The following PRDM16 variants were observed in gnomAD, a reference collection of about 807,000 sequenced individuals.
The protein encoded by PRDM16 is PR/SET domain 16, also known as histone-lysine N-methyltransferase PRDM16.
A neutral mutation model predicts 110.6 loss-of-function variants in PRDM16; 23 were observed. That is an observed-to-expected ratio of 0.21 (90% CI 0.15 to 0.29). The LOEUF (loss-of-function observed/expected upper bound fraction) is 0.29, where lower values mean the gene tolerates loss of function less well. Among genes scored for constraint, PRDM16 ranks in the 10% least tolerant of loss-of-function variants. PRDM16 has a pLI of 1.00. For synonymous variants in PRDM16, 799 were observed against 781.8 expected (o/e 1.02, Z -0.37); for missense variants, 1,615 against 1,794.3 (o/e 0.90, Z 1.81).
intron 4 of PRDM16, among the ~76,000 whole-genome samples, chr1:3,386,247 G>A (rs78462034): frequency 1.1e-4 from 10 of 89,022 alleles, no homozygotes; most frequent in African/African-American, 1.7e-4. Flanking sequence ...TGAAAAAAAA[G>A]AAAAGGATCC....
rs1642009292 is a variant in PRDM16 at position 3,080,909 on chromosome 1, G to A, written c.37+11613G>A. 2.0e-5 allele frequency among the ~76,000 whole-genome samples: 3 copies of A among 152,220 alleles called. No individual in the cohort carries two copies. The highest frequency in any genetic ancestry group is 2.1e-4 in the South Asian group (1 of 4,816). On this transcript the variant is annotated intron_variant, in intron 1 of 16. Transcript: ENST00000270722. This position sits in a 1 kb window ranked among gnomAD's most constrained non-coding sequence, Gnocchi z 5.2. ...CCGGCCCGAGCACCCAACGCTTCCC[G>A]GAGAGCTTGTGTGCCTGAGAGTGTG...
intron 3 of PRDM16, among the ~76,000 whole-genome samples, chr1:3,256,856 CAA>C (rs1316477957): frequency 6.6e-6 from 1 of 151,702 alleles, no homozygotes; most frequent in African/African-American, 2.4e-5. Flanking sequence ...GACTCCATCT[CAA>C]AATAAATAAA....
At chr1:3,368,959 T>C (rs1246319448) in intron 3 of PRDM16, among the ~76,000 whole-genome samples, 2 of 152,152 alleles carry the variant, frequency 1.3e-5, no homozygotes, top group Non-Finnish European at 2.9e-5. Flanking sequence ...GGCCGTGGGG[T>C]TGGCGGATGC....
intron 1 of PRDM16, among the ~76,000 whole-genome samples, chr1:3,107,322 G>A (rs1478041745): frequency 6.6e-6 from 1 of 152,198 alleles, no homozygotes; most frequent in Non-Finnish European, 1.5e-5. Context: ...AAAGAGCTGG[G>A]AGCAGGTGGT....
At chr1:3,424,514 G>A (rs1226155296) in intron 12 of PRDM16, among the ~76,000 whole-genome samples, 2 of 152,238 alleles carry the variant, frequency 1.3e-5, no homozygotes, top group Non-Finnish European at 2.9e-5. Context: ...ATGGAGGAAG[G>A]GGGTCTCATC....
At position 3,358,681 on chromosome 1, in the gene PRDM16, G is replaced by A. The variant is rs374033117; in HGVS notation, c.439-26471G>A. 9.8e-5 allele frequency among the ~76,000 whole-genome samples: 15 copies of A among 152,286 alleles called. No homozygotes were observed. The South Asian group carries it at 1.5e-3, about 15-fold the overall frequency. On this transcript the variant is annotated intron_variant, in intron 3 of 16. Coordinates refer to ENST00000270722, the MANE Select transcript of PRDM16 (RefSeq NM_022114.4). This position sits in a 1 kb window ranked among gnomAD's most constrained non-coding sequence, Gnocchi z 4.0. ...ACCATCCTTCCCAGAGCAGCAGGCC[G>A]GCTGGGGCTCCCGTGAACAAATATC...
intron 1 of PRDM16, among the ~76,000 whole-genome samples, chr1:3,118,683 C>CG (rs913818505): frequency 2.9e-4 from 44 of 152,180 alleles, no homozygotes; most frequent in Non-Finnish European, 5.6e-4. Flanking sequence ...GACTGGCAGT[C>CG]GGGGGGTGTC....
intron 1 of PRDM16, among the ~76,000 whole-genome samples, chr1:3,110,856 G>A (rs1642775150): frequency 6.6e-6 from 1 of 152,120 alleles, no homozygotes; most frequent in South Asian, 2.1e-4. Flanking sequence ...CCGGGATGAG[G>A]TGCAGCTCTT....
At chr1:3,381,961 C>A (rs1643109511) in intron 3 of PRDM16, among the ~76,000 whole-genome samples, 1 of 152,232 alleles carries the variant, frequency 6.6e-6, no homozygotes, top group African/African-American at 2.4e-5. Flanking sequence ...CCAGACCCGG[C>A]CAGTGGTGAG....
At chr1:3,332,735 G>A (rs1283635026) in intron 3 of PRDM16, among the ~76,000 whole-genome samples, 1 of 131,176 alleles carries the variant, frequency 7.6e-6, no homozygotes, top group Non-Finnish European at 1.6e-5. Context: ...ACTCCCCACC[G>A]CCCGTCCCCC....
At chr1:3,319,831 C>T (rs996968286) in intron 3 of PRDM16, among the ~76,000 whole-genome samples, 1 of 152,226 alleles carries the variant, frequency 6.6e-6, no homozygotes, top group Admixed American at 6.5e-5. Flanking sequence ...CTTTAGCCGG[C>T]TTCCCCAAAG....
At position 3,201,256 on chromosome 1, in the gene PRDM16, T is replaced by C. The variant is rs890190000; in HGVS notation, c.387+14782T>C. Among the ~76,000 whole-genome samples, 8 of 150,294 alleles carry C rather than the reference T, an allele frequency of 5.3e-5. No individual in the cohort carries two copies. Among genetic ancestry groups the C allele is most frequent in the African/African-American group, 1.7e-4 (7 of 40,532 alleles). ...TAGGAGCTGGGGGGCTGGAGACAAA[T>C]GTATTTCTCTTGCCTCTAAAATTCG... is the stretch of plus-strand genomic sequence containing the variant. On this transcript the variant is annotated intron_variant, in intron 2 of 16. Transcript: ENST00000270722. The surrounding 1 kb of genome is among the most constrained non-coding windows in gnomAD (Gnocchi z 4.1).
intron 4 of PRDM16, among the ~76,000 whole-genome samples, chr1:3,389,907 A>G (rs1310835773): frequency 7.3e-5 from 11 of 151,630 alleles, no homozygotes; most frequent in Admixed American, 7.2e-4. Context: ...CGGAAGGCAC[A>G]GAGGGGCCCT....
At chr1:3,248,517 G>A (rs1395361432) in intron 3 of PRDM16, among the ~76,000 whole-genome samples, 2 of 152,196 alleles carry the variant, frequency 1.3e-5, no homozygotes, top group Non-Finnish European at 2.9e-5. Flanking sequence ...AAACCCTTCA[G>A]AAGCTTCGGA....
At chr1:3,282,114 C>T (rs910586621) in intron 3 of PRDM16, among the ~76,000 whole-genome samples, 1 of 152,252 alleles carries the variant, frequency 6.6e-6, no homozygotes, top group African/African-American at 2.4e-5. Context: ...ACCGAAGCAG[C>T]TTTGGGCTTG....
intron 2 of PRDM16, among the ~76,000 whole-genome samples, chr1:3,229,990 G>T (rs2651887): frequency 0.29 from 44,723 of 152,022 alleles, 11,267 homozygotes; most frequent in African/African-American, 0.68. Context: ...CTGCCCTGGC[G>T]CCCGCGTTTA....
At chr1:3,253,044 T>C (rs1228874292) in intron 3 of PRDM16, among the ~76,000 whole-genome samples, 1 of 152,110 alleles carries the variant, frequency 6.6e-6, no homozygotes, top group African/African-American at 2.4e-5. Flanking sequence ...GCTGCTGCGC[T>C]TGTCACCCTC....
chr1:3,293,229 G>A (rs1345275626), intron 3 of PRDM16, among the ~76,000 whole-genome samples: 1 of 152,230 alleles, frequency 6.6e-6, no homozygotes, highest in Non-Finnish European at 1.5e-5. Context: ...AAGTCGGGGC[G>A]AGGGGGCCCT....
chr1:3,172,339 G>A (rs1644035050), intron 1 of PRDM16, among the ~76,000 whole-genome samples: 1 of 152,222 alleles, frequency 6.6e-6, no homozygotes, highest in South Asian at 2.1e-4. Context: ...GTCAACCAGG[G>A]TGGTGGGGGA....
Sources: gnomAD v4.1 joint callset for allele counts (sites outside exome capture counted in the v4.1 genomes callset) on GRCh38, gnomAD v4.1.1 for gene constraint, Gnocchi (gnomAD v3.1) non-coding constraint, MANE v1.5 for transcripts, NCBI Gene and HGNC (gene_info 2026-07-23, HGNC 2026-07-21) for gene names.